DNAH8: variants seen among roughly 807,000 people sequenced by gnomAD.
DNAH8 encodes the protein axonemal beta dynein heavy chain 8.
DNAH8 carries 382 observed loss-of-function variants against 562.1 expected under a neutral mutation model. The ratio of observed to expected loss-of-function variants is 0.68; its 90% CI spans 0.63 to 0.74. DNAH8 has a LOEUF of 0.74. Among genes scored for constraint, DNAH8 ranks in the 30% least tolerant of loss-of-function variants. The pLI is 0.00. For missense variants in DNAH8, 5,203 were observed against 5,620.4 expected, an observed-to-expected ratio of 0.93 and a Z score of 2.37; for synonymous variants, 1,881 against 1,919.4, an observed-to-expected ratio of 0.98 and a Z score of 0.52.
At chr6:38,866,559 C>A in intron 45 of DNAH8, 32 bp from the exon 46 acceptor site, 2 of 1,440,678 alleles carry the variant, frequency 1.4e-6, no homozygotes, top group Non-Finnish European at 1.9e-6. Flanking sequence ...ATTGTTTTAG[C>A]AATTAAAAAT....
At chr6:38,803,584 T>G (rs1310770921) in intron 22 of DNAH8, among the ~76,000 whole-genome samples, 1 of 137,230 alleles carries the variant, frequency 7.3e-6, no homozygotes, top group Non-Finnish European at 1.6e-5. Flanking sequence ...GTCTCAGGCC[T>G]GCTATGCTAA....
intron 8 of DNAH8, among the ~76,000 whole-genome samples, chr6:38,749,001 A>G (rs1765192641): frequency 6.6e-6 from 1 of 152,046 alleles, no homozygotes; most frequent in Non-Finnish European, 1.5e-5. Context: ...AGCATTGACC[A>G]GATCACACTG....
chr6:38,845,509 A>G, intron 35 of DNAH8, 65 bp from the exon 36 acceptor site: 1 of 1,349,560 alleles, frequency 7.4e-7, no homozygotes, highest in South Asian at 1.2e-5. Context: ...AAATTCTATG[A>G]TTTGATGATG....
At chr6:38,899,724 T>C in intron 61 of DNAH8, 52 bp from the exon 62 acceptor site, 1 of 1,601,890 alleles carries the variant, frequency 6.2e-7, no homozygotes, top group Non-Finnish European at 8.5e-7. Context: ...TGCAAGAAAA[T>C]GTAAACATTG....
At chr6:38,904,326 A>G (rs547466434) in intron 62 of DNAH8, among the ~76,000 whole-genome samples, 2 of 152,138 alleles carry the variant, frequency 1.3e-5, no homozygotes, top group Admixed American at 1.3e-4. Flanking sequence ...TTTTGTGGTC[A>G]TGGGGAGTAC....
intron 87 of DNAH8, among the ~76,000 whole-genome samples, chr6:38,984,893 T>A (rs925464678): frequency 1.3e-5 from 2 of 152,212 alleles, no homozygotes; most frequent in Admixed American, 6.5e-5. Flanking sequence ...CCCATGTAGA[T>A]GAAACTGCTT....
rs113496494 is a variant in DNAH8 at position 38,926,198 on chromosome 6, A to T, written c.11106A>T (p.Glu3702Asp). 22 of 1,613,450 alleles carry T rather than the reference A, an allele frequency of 1.4e-5. No homozygotes were observed. The highest frequency in any genetic ancestry group is 1.7e-5 in the Non-Finnish European group (20 of 1,179,676). Residue 3702 changes from glutamate (E) to aspartate (D), a missense_variant, in exon 74 of 93, where the codon GAA becomes GAT. Glu to Asp is a conservative substitution (Grantham distance 45, BLOSUM62 2). Transcript: ENST00000327475. ...GKTWIKSKEK[E>D]NDLQVTSLNH... ...CTTGGATTAAATCAAAGGAAAAAGA[A>T]AATGATTTACAGGTATGTAGCATTT...
rs1267598182 is a variant in DNAH8 at position 38,850,678 on chromosome 6, T to C, written c.5363+264T>C. ...AAGCAACAGAAATTCATTCTCACAG[T>C]TGTGGAGACAAGAAGTCTGAAATCA... On this transcript the variant is annotated intron_variant, in intron 38 of 92. Transcript: ENST00000327475. Among the ~76,000 whole-genome samples, 3 of 152,218 alleles carry C rather than the reference T, an allele frequency of 2.0e-5. No homozygotes were observed. In the East Asian group the frequency reaches 5.8e-4, roughly 29 times the overall value.
At chr6:38,949,664 T>C (rs1332743430) in intron 81 of DNAH8, 94 bp downstream of exon 81, 3 of 742,022 alleles carry the variant, frequency 4.0e-6, no homozygotes, top group Non-Finnish European at 6.7e-6. Context: ...TATATCACTG[T>C]CATTGAAAGT....
chr6:38,786,683 G>A, intron 17 of DNAH8, 82 bp from the exon 18 acceptor site: 2 of 1,419,214 alleles, frequency 1.4e-6, no homozygotes, highest in Non-Finnish European at 1.9e-6. Flanking sequence ...TAGTAATCCA[G>A]GGGGCAAGAC....
At chr6:38,725,849 C>T (rs188325935) in intron 3 of DNAH8, among the ~76,000 whole-genome samples, 5 of 152,290 alleles carry the variant, frequency 3.3e-5, no homozygotes, top group African/African-American at 1.2e-4. Context: ...GTAGCTGGTC[C>T]TGACTGTGGA....
In DNAH8 at chr6:38,883,935, G is replaced by A; in HGVS notation, c.8196G>A (p.Gly2732=). 6.3e-7 allele frequency: 1 copy of A among 1,591,994 alleles called. No homozygotes were observed. The highest frequency in any genetic ancestry group is 8.6e-7 in the Non-Finnish European group (1 of 1,167,724). ...GAAGCACATATGGGCCACCAGGAGG[G>A]AGAAAAATGACTGTATTTATTGATG... is the stretch of plus-strand genomic sequence containing the variant. ...RIGSTYGPPG[G]RKMTVFIDDI... is the part of the protein sequence containing the mutation. The change falls in exon 56 of 93, where the codon GGG becomes GGA. Residue 2732 remains glycine, a synonymous_variant. Coordinates refer to ENST00000327475, the MANE Select transcript of DNAH8 (RefSeq NM_001206927.2).
chr6:38,799,526 A>G (rs1770590208), intron 21 of DNAH8, among the ~76,000 whole-genome samples: 3 of 151,348 alleles, frequency 2.0e-5, no homozygotes, highest in African/African-American at 7.3e-5. Context: ...TCACTTTCCC[A>G]TCTCCTATTA....
rs199854606 is a variant in DNAH8, at chr6:38,929,678, A to T, written c.11274+12A>T. 3.0e-4 allele frequency: 93 copies of T among 309,224 alleles called. No individual in the cohort carries two copies. Among genetic ancestry groups the T allele is most frequent in the Non-Finnish European group, 3.7e-4 (74 of 198,788 alleles). 19.2% of individuals were successfully genotyped at this position (309,224 alleles called of 1,614,324 possible). On this transcript the variant is annotated intron_variant, in intron 75 of 92. Coordinates refer to ENST00000327475, the MANE Select transcript of DNAH8 (RefSeq NM_001206927.2). ...GCACCACTTTCAAGGTGAGCTTTGTAAAAAAAAAAAAAAAGAAAGAAAGAA... is the reference window on the plus strand; with the variant it reads ...GCACCACTTTCAAGGTGAGCTTTGTTAAAAAAAAAAAAAAGAAAGAAAGAA...
intron 68 of DNAH8, among the ~76,000 whole-genome samples, chr6:38,916,407 A>G (rs898460236): frequency 1.3e-5 from 2 of 152,068 alleles, no homozygotes; most frequent in African/African-American, 4.8e-5. Flanking sequence ...TTGTTTTCCT[A>G]TCACTCACAT....
rs143295890 is a variant in DNAH8, at chr6:38,853,281, C to G, written c.5667C>G (p.Ser1889=). ...CATCATTACATAATATAATTAGATC[C>G]GCTTTCTATCAAATCAGTGATTCAG... ...QMSSLHNIIR[S]AFYQISDSGF... Residue 1889 remains serine, a synonymous_variant, in exon 41 of 93, where the codon TCC becomes TCG. Coordinates refer to ENST00000327475, the MANE Select transcript of DNAH8 (RefSeq NM_001206927.2). 10 of 1,612,864 alleles carry G rather than the reference C, an allele frequency of 6.2e-6. No homozygotes were observed. Among genetic ancestry groups the G allele is most frequent in the Non-Finnish European group, 1.7e-6 (2 of 1,179,520 alleles).
At chr6:38,790,456 GTAATAGT>G in intron 20 of DNAH8, 51 bp downstream of exon 20, 3 of 855,468 alleles carry the variant, frequency 3.5e-6, no homozygotes, top group Non-Finnish European at 5.6e-6. Flanking sequence ...CAGGATATAA[GTAATAGT>G]TTGATTATTA....
At chr6:38,871,569 A>C (rs902757595) in intron 49 of DNAH8, among the ~76,000 whole-genome samples, 1 of 152,130 alleles carries the variant, frequency 6.6e-6, no homozygotes, top group Non-Finnish European at 1.5e-5. Context: ...ATTTCTGTCC[A>C]AAATGTTAGG....
intron 8 of DNAH8, among the ~76,000 whole-genome samples, chr6:38,744,603 AT>A (rs11333731): frequency 0.23 from 34,194 of 151,326 alleles, 4,128 homozygotes; most frequent in African/African-American, 0.29. Flanking sequence ...TTTATTTTTT[AT>A]TTTTTTTGAG....
Sources: gnomAD v4.1 joint callset for allele counts (sites outside exome capture counted in the v4.1 genomes callset) on GRCh38, gnomAD v4.1.1 for gene constraint, MANE v1.5 for transcripts, NCBI Gene and HGNC (gene_info 2026-07-23, HGNC 2026-07-21) for gene names.